The following DMRT1 variants were observed in gnomAD, a reference collection of about 807,000 sequenced individuals.
DMRT1 encodes the protein doublesex and mab-3 related transcription factor 1, also known as doublesex- and mab-3-related transcription factor 1.
In DMRT1, 7 loss-of-function variants were observed where a neutral mutation model predicts 32.3. The observed-to-expected ratio is 0.22, with a 90% CI of 0.12 to 0.41. The LOEUF (loss-of-function observed/expected upper bound fraction) is 0.41. DMRT1 is among the 10% of genes least tolerant of loss of function. DMRT1 has a pLI of 1.00. For synonymous variants in DMRT1, 278 were observed against 206.1 expected (o/e 1.35, Z -2.99); for missense variants, 625 against 500.5 (o/e 1.25, Z -2.37).
chr9:843,606 T>C (rs1400475242), intron 1 of DMRT1, among the ~76,000 whole-genome samples: 1 of 152,232 alleles, frequency 6.6e-6, no homozygotes, highest in African/African-American at 2.4e-5. Flanking sequence ...TTAATGTCTT[T>C]AGTATTCTAA....
intron 2 of DMRT1, among the ~76,000 whole-genome samples, chr9:883,566 A>G (rs1358156350): frequency 6.6e-6 from 1 of 151,314 alleles, no homozygotes; most frequent in Non-Finnish European, 1.5e-5. Flanking sequence ...CTGAGGTGGG[A>G]GGATCACTGG....
At chr9:884,218 C>T (rs1211351558) in intron 2 of DMRT1, among the ~76,000 whole-genome samples, 2 of 152,050 alleles carry the variant, frequency 1.3e-5, no homozygotes, top group Admixed American at 6.6e-5. Context: ...CCTTCACCCA[C>T]CTTAAAATGA....
rs531612490 is a variant in DMRT1, at chr9:867,228, A to G, written c.538+20085A>G. On this transcript the variant is annotated intron_variant, in intron 2 of 4. Transcript: ENST00000382276. ...AAAGCATAATAAGGGTGATTAAGCA[A>G]AGAAATGTAATTCTCACATTAGTTT... Among the ~76,000 whole-genome samples the G allele has an allele frequency of 1.3e-3, 200 of 152,352 alleles. 1 individual carries two copies. The highest frequency in any genetic ancestry group is 4.7e-3 in the African/African-American group (195 of 41,580).
chr9:880,740 A>AAG (rs1816700285), intron 2 of DMRT1, among the ~76,000 whole-genome samples: 1 of 150,092 alleles, frequency 6.7e-6, no homozygotes, highest in African/African-American at 2.5e-5. Context: ...AAAAAAAAAA[A>AAG]AAAGAAAAGA....
intron 2 of DMRT1, among the ~76,000 whole-genome samples, chr9:848,183 G>T (rs990060414): frequency 6.6e-6 from 1 of 152,126 alleles, no homozygotes; most frequent in African/African-American, 2.4e-5. Context: ...CATTTGCTGG[G>T]CTTAAGCACT....
In DMRT1 at chr9:968,146, C is replaced by T. The variant is rs971142305; in HGVS notation, c.*7C>T. On this transcript the variant is annotated 3_prime_UTR_variant, in exon 5 of 5. Transcript: ENST00000382276. Reference sequence around the variant, plus strand: ...CATCGAGGAGGACGAGTGAGCAGTGCCTGCTGCCGATGGCGGTTCACTTGG... The same window carrying T: ...CATCGAGGAGGACGAGTGAGCAGTGTCTGCTGCCGATGGCGGTTCACTTGG... The T allele has an allele frequency of 1.9e-6, 3 of 1,601,366 alleles. No individual in the cohort carries two copies. Among genetic ancestry groups the T allele is most frequent in the African/African-American group, 3.0e-5 (2 of 66,340 alleles).
At chr9:860,537 T>G (rs1815613582) in intron 2 of DMRT1, among the ~76,000 whole-genome samples, 1 of 152,156 alleles carries the variant, frequency 6.6e-6, no homozygotes, top group South Asian at 2.1e-4. Context: ...AGCCAGATCC[T>G]ATTCTAGGTG....
chr9:935,431 G>C (rs954353614), intron 4 of DMRT1, among the ~76,000 whole-genome samples: 1 of 152,238 alleles, frequency 6.6e-6, no homozygotes, highest in Non-Finnish European at 1.5e-5. Flanking sequence ...CTCTTAGGTT[G>C]AGAGAGTGTA....
intron 2 of DMRT1, among the ~76,000 whole-genome samples, chr9:892,653 C>T (rs1404864749): frequency 6.6e-6 from 1 of 152,138 alleles, no homozygotes; most frequent in Non-Finnish European, 1.5e-5. Flanking sequence ...CTTCACTTGC[C>T]CTAAGCAGTT....
intron 2 of DMRT1, among the ~76,000 whole-genome samples, chr9:861,238 G>A (rs1248375725): frequency 1.3e-5 from 2 of 151,836 alleles, no homozygotes; most frequent in African/African-American, 4.8e-5. Flanking sequence ...TTGTGTCCCT[G>A]GGTAGTTGAG....
At chr9:853,038 T>TG (rs1163737602) in intron 2 of DMRT1, among the ~76,000 whole-genome samples, 1 of 152,206 alleles carries the variant, frequency 6.6e-6, no homozygotes, top group Non-Finnish European at 1.5e-5. Context: ...GTAAGAGATA[T>TG]GGCTGGTGAA....
intron 2 of DMRT1, among the ~76,000 whole-genome samples, chr9:889,968 T>C (rs899082282): frequency 1.3e-5 from 2 of 152,120 alleles, no homozygotes; most frequent in African/African-American, 4.8e-5. Context: ...TAGATGCTCA[T>C]ATAATTTATT....
chr9:880,724 C>CAA (rs754419367), intron 2 of DMRT1, among the ~76,000 whole-genome samples: 2,131 of 61,974 alleles, frequency 0.034, 87 homozygotes, highest in African/African-American at 0.1. Context: ...AACTCAGTCT[C>CAA]AAAAAAAAAA....
intron 4 of DMRT1, among the ~76,000 whole-genome samples, chr9:944,899 AG>A (rs1459857256): frequency 1.3e-5 from 2 of 152,058 alleles, no homozygotes; most frequent in African/African-American, 4.8e-5. Flanking sequence ...CCACCTACAA[AG>A]TTAACAAGAT....
chr9:874,256 G>T (rs930511960), intron 2 of DMRT1, among the ~76,000 whole-genome samples: 2 of 152,114 alleles, frequency 1.3e-5, no homozygotes, highest in African/African-American at 4.8e-5. Flanking sequence ...TTTTGAGATG[G>T]TGTAAGTTTT....
At chr9:890,084 T>G (rs73374737) in intron 2 of DMRT1, among the ~76,000 whole-genome samples, 1,736 of 111,214 alleles carry the variant, frequency 0.016, 22 homozygotes, top group African/African-American at 0.023. Context: ...CCACCAAACG[T>G]GTTTTTTTTT....
intron 2 of DMRT1, among the ~76,000 whole-genome samples, chr9:858,878 T>C (rs893685416): frequency 1.5e-5 from 2 of 130,134 alleles, no homozygotes; most frequent in East Asian, 2.0e-4. Context: ...AAAATATATA[T>C]ATATATATAT....
At chr9:866,541 T>C (rs1815998130) in intron 2 of DMRT1, among the ~76,000 whole-genome samples, 1 of 152,242 alleles carries the variant, frequency 6.6e-6, no homozygotes, top group Non-Finnish European at 1.5e-5. Flanking sequence ...TCAAAACTTG[T>C]GTTTACTTGA....
In DMRT1 at chr9:893,917, C is replaced by G; in HGVS notation, c.544C>G (p.Arg182Gly). The change falls in exon 3 of 5, where the codon CGT becomes GGT. Residue 182 changes from arginine (R) to glycine (G), a missense_variant. Arg to Gly is a moderately radical substitution (Grantham distance 125, BLOSUM62 -2). This residue lies in a region of DMRT1 where 416 missense variants were observed against 321.6 expected (regional missense o/e 1.29). Coordinates refer to ENST00000382276, the MANE Select transcript of DMRT1 (RefSeq NM_021951.3). The part of the protein sequence containing the change: ...SVPTTAASEG[R>G]MVIQDIPAVT... ...TCTTTTTTCTTCCAATTTAGAGGGA[C>G]GTATGGTCATCCAGGATATTCCTGC... The G allele has an allele frequency of 6.2e-7, 1 of 1,613,860 alleles. No individual in the cohort carries two copies. The highest frequency in any genetic ancestry group is 8.5e-7 in the Non-Finnish European group (1 of 1,179,870).
Sources: allele counts gnomAD v4.1 joint callset (sites outside exome capture counted in the v4.1 genomes callset), GRCh38; gene constraint gnomAD v4.1.1; regional missense constraint gnomAD v4.1.1; transcripts MANE v1.5; gene names NCBI Gene and HGNC (gene_info 2026-07-23, HGNC 2026-07-21).